The following KCNIP1 variants were observed in gnomAD, a reference collection of about 807,000 sequenced individuals.
KCNIP1 encodes the protein potassium voltage-gated channel interacting protein 1, also known as A-type potassium channel modulatory protein KCNIP1.
Under a neutral mutation model 33.0 loss-of-function variants are expected in KCNIP1, and 18 were observed. The observed-to-expected ratio is 0.55, with a 90% CI of 0.38 to 0.81. The LOEUF is 0.81. Among genes scored for constraint, KCNIP1 ranks in the 30% least tolerant of loss-of-function variants. KCNIP1 has a pLI of 0.00. For missense variants in KCNIP1, 238 were observed against 271.6 expected, an observed-to-expected ratio of 0.88 and a Z score of 0.87; for synonymous variants, 93 against 98.3, an observed-to-expected ratio of 0.95 and a Z score of 0.32.
At chr5:170,620,217 C>T (rs1031648685) in intron 1 of KCNIP1, among the ~76,000 whole-genome samples, 5 of 152,206 alleles carry the variant, frequency 3.3e-5, no homozygotes, top group Non-Finnish European at 7.3e-5. Context: ...TCTTCCAACA[C>T]ATGCACCAAC....
At chr5:170,358,862 C>T (rs893672378) in intron 1 of KCNIP1, among the ~76,000 whole-genome samples, 2 of 152,156 alleles carry the variant, frequency 1.3e-5, no homozygotes, top group Admixed American at 6.5e-5. Context: ...CCAGGTCTTG[C>T]TGCAGCCAAG....
chr5:170,642,624 G>A (rs189299992), intron 1 of KCNIP1, among the ~76,000 whole-genome samples: 16 of 152,252 alleles, frequency 1.1e-4, no homozygotes, highest in African/African-American at 2.4e-4. Context: ...GGACAGATGC[G>A]GGGAATCTGG....
rs150889018 is a variant in KCNIP1 at position 170,701,132 on chromosome 5, C to T, written c.62-17626C>T. Among the ~76,000 whole-genome samples the T allele has an allele frequency of 3.0e-3, 454 of 152,266 alleles. 2 individuals are homozygous for T. Among genetic ancestry groups the T allele is most frequent in the African/African-American group, 0.01 (418 of 41,546 alleles). On this transcript the variant is annotated intron_variant, in intron 1 of 7. Coordinates refer to ENST00000328939, the MANE Select transcript of KCNIP1 (RefSeq NM_014592.4). Reference sequence around the variant, plus strand: ...ACCAGTAATAAAAGGAAAAGTGTGCCTCCTCCTCCCAACTTCCCTACCCCA... The same window carrying T: ...ACCAGTAATAAAAGGAAAAGTGTGCTTCCTCCTCCCAACTTCCCTACCCCA...
At chr5:170,577,563 C>G (rs1581349545) in intron 1 of KCNIP1, among the ~76,000 whole-genome samples, 1 of 152,130 alleles carries the variant, frequency 6.6e-6, no homozygotes, top group Non-Finnish European at 1.5e-5. Flanking sequence ...AATTCTGACT[C>G]AGGGGCAATA....
intron 1 of KCNIP1, among the ~76,000 whole-genome samples, chr5:170,365,818 A>G (rs1763645616): frequency 6.6e-6 from 1 of 152,266 alleles, no homozygotes; most frequent in African/African-American, 2.4e-5. Flanking sequence ...AATGTGTGCA[A>G]TAATGCCAAT....
intron 1 of KCNIP1, among the ~76,000 whole-genome samples, chr5:170,701,914 C>G (rs775287485): frequency 6.6e-6 from 1 of 152,218 alleles, no homozygotes; most frequent in East Asian, 1.9e-4. Context: ...ACCATCACTC[C>G]TCTCTCACTG....
intron 1 of KCNIP1, among the ~76,000 whole-genome samples, chr5:170,406,932 G>A (rs891087048): frequency 1.3e-5 from 2 of 152,222 alleles, no homozygotes; most frequent in Non-Finnish European, 2.9e-5. Flanking sequence ...AGATGTGGGG[G>A]CATCAGCTTC....
chr5:170,596,003 G>C (rs1389708143), intron 1 of KCNIP1, among the ~76,000 whole-genome samples: 3 of 152,194 alleles, frequency 2.0e-5, no homozygotes, highest in Admixed American at 6.5e-5. Context: ...GCACAGCAGA[G>C]CTTCCAGCAA....
chr5:170,539,824 A>G (rs1029812377), intron 1 of KCNIP1, among the ~76,000 whole-genome samples: 6 of 151,972 alleles, frequency 3.9e-5, no homozygotes, highest in African/African-American at 1.5e-4. Context: ...AATTGGGGGG[A>G]ATAGGTTCTT....
chr5:170,563,936 C>T lies in KCNIP1; in HGVS notation c.61+59303C>T, dbSNP rs559355230. ...TACAAGCGTGAGCCACTGCATCAGG[C>T]GTTTTAAGTTTCTACCATTTGGGGC... On this transcript the variant is annotated intron_variant, in intron 1 of 7. Coordinates refer to ENST00000328939, the MANE Select transcript of KCNIP1 (RefSeq NM_014592.4). 2.6e-5 allele frequency among the ~76,000 whole-genome samples: 4 copies of T among 152,300 alleles called. No homozygotes were observed. In the South Asian group the frequency reaches 6.2e-4, roughly 24 times the overall value.
chr5:170,611,057 C>T (rs1278498812), intron 1 of KCNIP1, among the ~76,000 whole-genome samples: 1 of 152,206 alleles, frequency 6.6e-6, no homozygotes, highest in Admixed American at 6.5e-5. Context: ...AGTGCCAAAG[C>T]CAGGATTTGA....
intron 1 of KCNIP1, among the ~76,000 whole-genome samples, chr5:170,630,308 G>A (rs552335787): frequency 1.2e-4 from 18 of 152,358 alleles, no homozygotes; most frequent in Admixed American, 3.9e-4. Context: ...GGGCAGCACC[G>A]ATGACTTAAT....
chr5:170,735,934 G>T lies in KCNIP1; in HGVS notation c.*128G>T, dbSNP rs1006227285. On this transcript the variant is annotated 3_prime_UTR_variant, in exon 8 of 8. Coordinates refer to ENST00000328939, the MANE Select transcript of KCNIP1 (RefSeq NM_014592.4). Reference sequence around the variant, plus strand: ...CAGAAACACCTTTTACACTTTGGAAGAATTCTCTGCTGAAGACTTTCTATG... The same window carrying T: ...CAGAAACACCTTTTACACTTTGGAATAATTCTCTGCTGAAGACTTTCTATG... 1 of 784,070 alleles carries T rather than the reference G, an allele frequency of 1.3e-6. No individual in the cohort carries two copies. Among genetic ancestry groups the T allele is most frequent in the Non-Finnish European group, 2.1e-6 (1 of 473,740 alleles). The allele number at this position is 784,070 out of a possible 1,614,324, so 48.6% of individuals were successfully genotyped here.
At chr5:170,718,383 T>C (rs1388752131) in intron 1 of KCNIP1, among the ~76,000 whole-genome samples, 3 of 152,256 alleles carry the variant, frequency 2.0e-5, no homozygotes, top group Admixed American at 1.3e-4. Context: ...TAGAGGTGTT[T>C]ATCATTCTGC....
intron 1 of KCNIP1, among the ~76,000 whole-genome samples, chr5:170,443,798 A>G (rs1399648965): frequency 6.6e-6 from 1 of 152,180 alleles, no homozygotes; most frequent in South Asian, 2.1e-4. Flanking sequence ...TGCAGGAGCC[A>G]TGGAGGGGCT....
At chr5:170,360,297 G>A (rs995804241) in intron 1 of KCNIP1, among the ~76,000 whole-genome samples, 1 of 152,236 alleles carries the variant, frequency 6.6e-6, no homozygotes, top group Non-Finnish European at 1.5e-5. Flanking sequence ...AGGATGCAGG[G>A]CGGGAAAACT....
At chr5:170,664,856 T>C (rs926465903) in intron 1 of KCNIP1, among the ~76,000 whole-genome samples, 5 of 152,154 alleles carry the variant, frequency 3.3e-5, no homozygotes, top group African/African-American at 9.7e-5. Flanking sequence ...GGGAGGTCTC[T>C]CTACAGAGGT....
In KCNIP1 at chr5:170,489,904, C is replaced by T. The variant is rs376209030; in HGVS notation, c.88+135940C>T. Among the ~76,000 whole-genome samples the T allele has an allele frequency of 7.9e-5, 12 of 152,184 alleles. No homozygotes were observed. Among genetic ancestry groups the T allele is most frequent in the African/African-American group, 2.7e-4 (11 of 41,438 alleles). ...GCCCCAAGCCCCACATGCCTGCAGG[C>T]GGCCCTGGGATATCTGCCATGTGCA... On this transcript the variant is annotated intron_variant, in intron 1 of 7. Coordinates refer to the KCNIP1 transcript ENST00000377360. This position sits in a 1 kb window ranked among gnomAD's most constrained non-coding sequence, Gnocchi z 4.3.
At chr5:170,568,661 A>AAAAAAAAAAAAG (rs1757288732) in intron 1 of KCNIP1, among the ~76,000 whole-genome samples, 1 of 146,944 alleles carries the variant, frequency 6.8e-6, no homozygotes, top group African/African-American at 2.5e-5. Flanking sequence ...AAAAAAAAAA[A>AAAAAAAAAAAAG]AAAAAAAAAA....
Sources: allele counts gnomAD v4.1 joint callset (sites outside exome capture counted in the v4.1 genomes callset), GRCh38; gene constraint gnomAD v4.1.1; non-coding constraint Gnocchi (gnomAD v3.1); transcripts MANE v1.5; gene names NCBI Gene and HGNC (gene_info 2026-07-23, HGNC 2026-07-21).